Variants in FAM234B observed in about 807,000 individuals in gnomAD.
FAM234B encodes the protein family with sequence similarity 234 member B.
In FAM234B, 33 loss-of-function variants were observed where a neutral mutation model predicts 69.3. The observed-to-expected ratio is 0.48, with a 90% confidence interval of 0.36 to 0.64. The LOEUF (loss-of-function observed/expected upper bound fraction) is 0.64, where lower values mean the gene tolerates loss of function less well. FAM234B is among the 30% of genes least tolerant of loss of function. FAM234B has a pLI of 0.00. For missense variants in FAM234B, 697 were observed against 769.7 expected (o/e 0.91, Z 1.12); for synonymous variants, 306 against 306.9 (o/e 1.00, Z 0.03).
Position 13,076,043 on chromosome 12 carries a change from T to G in FAM234B, c.1542T>G (p.Thr514=). 6.2e-7 allele frequency: 1 copy of G among 1,614,052 alleles called. No individual in the cohort carries two copies. Among genetic ancestry groups the G allele is most frequent in the South Asian group, 1.1e-5 (1 of 91,076 alleles). The part of the protein sequence containing the change: ...ASPNSDIILG[T]EPPSLHHLYL... ...ATTATCAGGATATCATCCTAGGAAC[T>G]GAGCCGCCCAGCCTTCACCACCTTT... Residue 514 remains threonine (T), a synonymous_variant, in exon 11 of 13, where the codon ACT becomes ACG. Coordinates refer to ENST00000197268, the MANE Select transcript of FAM234B (RefSeq NM_020853.2).
At chr12:13,071,093 CG>C (rs1272436322) in intron 9 of FAM234B, 147 bp from the exon 10 acceptor site, 2 of 775,064 alleles carry the variant, frequency 2.6e-6, no homozygotes, top group Non-Finnish European at 4.3e-6. Flanking sequence ...TTCGTGCTCT[CG>C]GAACACCCAG....
In FAM234B at chr12:13,058,541, G is replaced by GT; in HGVS notation, c.525dup (p.Ala176CysfsTer10). The GT allele has an allele frequency of 9.9e-6, 16 of 1,611,328 alleles. No individual in the cohort carries two copies. The highest frequency in any genetic ancestry group is 1.4e-5 in the Non-Finnish European group (16 of 1,179,550). ...TCCTTTGTGATGTCAAGGAACGGGA[G>GT]TGCAGTAGGTAAGAGACGTGTTTTT... On this transcript the variant is annotated frameshift_variant, in exon 3 of 13. Coordinates refer to ENST00000197268, the MANE Select transcript of FAM234B (RefSeq NM_020853.2). LOFTEE classifies it high-confidence loss of function.
intron 1 of FAM234B, among the ~76,000 whole-genome samples, chr12:13,052,234 G>C (rs764731718): frequency 6.6e-6 from 1 of 152,154 alleles, no homozygotes; most frequent in Non-Finnish European, 1.5e-5. Context: ...TAGATTGGAG[G>C]CCAGTGGATT....
chr12:13,074,903 C>T (rs1865143637), intron 10 of FAM234B, among the ~76,000 whole-genome samples: 1 of 152,142 alleles, frequency 6.6e-6, no homozygotes, highest in Non-Finnish European at 1.5e-5. Context: ...CTTCCATTTC[C>T]TCTACTGCAG....
At chr12:13,065,923 T>C (rs1179071216) in intron 5 of FAM234B, among the ~76,000 whole-genome samples, 8 of 152,220 alleles carry the variant, frequency 5.3e-5, no homozygotes, top group African/African-American at 1.9e-4. Context: ...AAAATCCTCA[T>C]ATTTCTTAAC....
At chr12:13,048,995 CTCCCACTGGG>C (rs1864843745) in intron 1 of FAM234B, among the ~76,000 whole-genome samples, 1 of 152,170 alleles carries the variant, frequency 6.6e-6, no homozygotes, top group Non-Finnish European at 1.5e-5. Context: ...ATTCAGTTAT[CTCCCACTGGG>C]TCCCTCCCAC....
At chr12:13,059,973 T>A (rs1290471318) in intron 3 of FAM234B, among the ~76,000 whole-genome samples, 1 of 152,226 alleles carries the variant, frequency 6.6e-6, no homozygotes, top group Admixed American at 6.5e-5. Context: ...CCACAGACTG[T>A]ACAAATAAGG....
intron 10 of FAM234B, among the ~76,000 whole-genome samples, chr12:13,075,538 A>G (rs1302878120): frequency 4.6e-5 from 7 of 150,562 alleles, no homozygotes; most frequent in Non-Finnish European, 5.9e-5. Flanking sequence ...CCCAGGTTCA[A>G]GTGATTCTCC....
rs1173408938 is a variant in FAM234B at position 13,081,830 on chromosome 12, T to C, written c.*1200T>C. The C allele has an allele frequency of 6.6e-6, 1 of 152,210 alleles. No individual in the cohort carries two copies. The highest frequency in any genetic ancestry group is 2.4e-5 in the African/African-American group (1 of 41,462). The allele number at this position is 152,210 out of a possible 1,614,324, so 9.4% of individuals were successfully genotyped here. A position where few individuals can be genotyped will look rare whatever the true frequency, so the allele number is the denominator to read the frequency against. On this transcript the variant is annotated 3_prime_UTR_variant, in exon 13 of 13. Transcript: ENST00000197268. ...TCAATTAAGTTCTCCTCTAAACTTTTAGGTCATTGTTTATATAGCAGAAAA... is the reference window on the plus strand; with the variant it reads ...TCAATTAAGTTCTCCTCTAAACTTTCAGGTCATTGTTTATATAGCAGAAAA...
At chr12:13,077,215 A>G (rs1036757494) in intron 11 of FAM234B, among the ~76,000 whole-genome samples, 2 of 152,104 alleles carry the variant, frequency 1.3e-5, no homozygotes, top group Non-Finnish European at 2.9e-5. Flanking sequence ...GGTAATTAAG[A>G]ATCTTGACAC....
Position 13,068,349 on chromosome 12 carries a change from C to G in FAM234B, c.1188C>G (p.Asn396Lys). Reference protein sequence around the residue: ...LLQMVKAPDSNCSNLLITTRQ... With the variant: ...LLQMVKAPDSKCSNLLITTRQ... ...AGATGGTGAAGGCACCAGATTCCAA[C>G]TGCAGCAACCTTCTGATTACAACCA... The change falls in exon 8 of 13, where the codon AAC becomes AAG. Residue 396 changes from asparagine (N) to lysine (K), a missense_variant. By Grantham distance (94) the Asn-to-Lys change is moderately conservative (BLOSUM62 0). This residue lies in a region of FAM234B where 313 missense variants were observed against 305.5 expected (regional missense o/e 1.02). Transcript: ENST00000197268. The G allele has an allele frequency of 6.2e-7, 1 of 1,614,212 alleles. No individual in the cohort carries two copies. The highest frequency in any genetic ancestry group is 2.2e-5 in the East Asian group (1 of 44,886).
At chr12:13,064,090 C>T (rs1384572095) in intron 5 of FAM234B, among the ~76,000 whole-genome samples, 1 of 152,192 alleles carries the variant, frequency 6.6e-6, no homozygotes, top group Admixed American at 6.5e-5. Context: ...TTGAGGAGCA[C>T]TGCTCTAGCA....
rs749400569 is a variant in FAM234B at position 13,055,771 on chromosome 12, C to A, written c.258C>A (p.Pro86=). 2 of 1,614,152 alleles carry A rather than the reference C, an allele frequency of 1.2e-6. No homozygotes were observed. Among genetic ancestry groups the A allele is most frequent in the South Asian group, 2.2e-5 (2 of 91,080 alleles). ...CCACGGAGGGCTACCCCTCAGAACCCCTTGGGGGCCTGGAACAGAAGGCGG... is the reference window on the plus strand; with the variant it reads ...CCACGGAGGGCTACCCCTCAGAACCACTTGGGGGCCTGGAACAGAAGGCGG... ...EVTTEGYPSE[P]LGGLEQKAAS... Residue 86 remains proline, a synonymous_variant, in exon 2 of 13, where the codon CCC becomes CCA. Transcript: ENST00000197268.
intron 5 of FAM234B, among the ~76,000 whole-genome samples, chr12:13,064,860 A>G (rs1865020891): frequency 6.6e-6 from 1 of 152,124 alleles, no homozygotes; most frequent in South Asian, 2.1e-4. Context: ...ACTTATAGTG[A>G]TTGCGTTCAT....
intron 1 of FAM234B, among the ~76,000 whole-genome samples, chr12:13,045,145 T>A (rs1178034846): frequency 6.6e-6 from 1 of 152,022 alleles, no homozygotes; most frequent in Non-Finnish European, 1.5e-5. Context: ...GAATCTTCTT[T>A]AAGGCAGCAT....
At position 13,068,486 on chromosome 12, in the gene FAM234B, C is replaced by T. The variant is rs756070986; in HGVS notation, c.1286+39C>T. The T allele has an allele frequency of 1.9e-6, 3 of 1,606,486 alleles. No homozygotes were observed. The African/African-American group carries it at 4.0e-5, about 22-fold the overall frequency. On this transcript the variant is annotated intron_variant, in intron 8 of 12. Coordinates refer to ENST00000197268, the MANE Select transcript of FAM234B (RefSeq NM_020853.2). ...TCCTTCTTGTGTTTGCTGTTTTGAT[C>T]CACTTTCCCATGTTTAAAAATTGTC... is the stretch of plus-strand genomic sequence containing the variant.
chr12:13,044,497 G>T lies in FAM234B; in HGVS notation c.37+57G>T. ...CCCCGCCGGTGTTGGAATAAGGGGAGGCGAGGCTCTGGGGGCGAGGCCGGT... is the reference window on the plus strand; with the variant it reads ...CCCCGCCGGTGTTGGAATAAGGGGATGCGAGGCTCTGGGGGCGAGGCCGGT... On this transcript the variant is annotated intron_variant, in intron 1 of 12. Transcript: ENST00000197268. This position sits in a 1 kb window ranked among gnomAD's most constrained non-coding sequence, Gnocchi z 5.6. The T allele has an allele frequency of 6.5e-7, 1 of 1,536,642 alleles. No individual in the cohort carries two copies. The highest frequency in any genetic ancestry group is 8.8e-7 in the Non-Finnish European group (1 of 1,135,066).
Position 13,071,289 on chromosome 12 carries a change from G to A in FAM234B, c.1417G>A (p.Ala473Thr). ...DSGSIVWSYRAPCHMKETPAT... is the reference protein window; with the variant it reads ...DSGSIVWSYRTPCHMKETPAT... ...TGGCTCCATTGTTTGGAGTTACCGT[G>A]CTCCGTGTCACATGAAAGAAACGCC... Residue 473 changes from alanine to threonine, a missense_variant, in exon 10 of 13, where the codon GCT becomes ACT. Transcript: ENST00000197268. The A allele has an allele frequency of 6.2e-7, 1 of 1,614,106 alleles. No homozygotes were observed. The highest frequency in any genetic ancestry group is 1.1e-5 in the South Asian group (1 of 91,080).
intron 11 of FAM234B, among the ~76,000 whole-genome samples, chr12:13,076,833 T>C (rs1166709353): frequency 6.6e-6 from 1 of 152,218 alleles, no homozygotes; most frequent in African/African-American, 2.4e-5. Flanking sequence ...CTAGTCTAGG[T>C]TGTCTGGTGA....
Sources: gnomAD v4.1 joint callset for allele counts (sites outside exome capture counted in the v4.1 genomes callset) on GRCh38, gnomAD v4.1.1 for gene constraint, gnomAD v4.1.1 regional missense constraint, Gnocchi (gnomAD v3.1) non-coding constraint, MANE v1.5 for transcripts, NCBI Gene and HGNC (gene_info 2026-07-23, HGNC 2026-07-21) for gene names.